The following PPARGC1A variants were observed in gnomAD, a reference collection of about 807,000 sequenced individuals.
PPARGC1A encodes PPARG coactivator 1 alpha.
Under a neutral mutation model 88.7 loss-of-function variants are expected in PPARGC1A, and 25 were observed. The observed-to-expected ratio is 0.28, with a 90% confidence interval of 0.21 to 0.39. The LOEUF is 0.39. Among genes scored for constraint, PPARGC1A ranks in the 10% least tolerant of loss-of-function variants. The pLI is 1.00. For missense variants in PPARGC1A, 880 were observed against 968.7 expected (o/e 0.91, Z 1.22); for synonymous variants, 363 against 355.6 (o/e 1.02, Z -0.24).
the PPARGC1A span, among the ~76,000 whole-genome samples, chr4:24,465,506 T>C: frequency 6.6e-6 from 1 of 152,228 alleles, no homozygotes; most frequent in Admixed American, 6.5e-5. Flanking sequence ...CAAAGTGTGA[T>C]CATTGATTTC....
chr4:24,292,591 C>G, the PPARGC1A span, among the ~76,000 whole-genome samples: 1 of 103,452 alleles, frequency 9.7e-6, no homozygotes, highest in Non-Finnish European at 2.0e-5. Context: ...TTCCTGTGCT[C>G]ATCCCTACCC....
chr4:24,354,249 C>T, the PPARGC1A span, among the ~76,000 whole-genome samples: 2 of 152,184 alleles, frequency 1.3e-5, no homozygotes, highest in East Asian at 1.9e-4. Context: ...TTGGGCCCAC[C>T]GGGATAATCC....
At chr4:24,245,075 A>T in the PPARGC1A span, among the ~76,000 whole-genome samples, 4 of 152,216 alleles carry the variant, frequency 2.6e-5, no homozygotes, top group Non-Finnish European at 4.4e-5. Flanking sequence ...GAAACTGACA[A>T]TCTGCAGTGT....
the PPARGC1A span, among the ~76,000 whole-genome samples, chr4:24,441,279 ACTT>A: frequency 8.6e-5 from 13 of 152,014 alleles, no homozygotes; most frequent in Admixed American, 2.0e-4. Flanking sequence ...CTTCCTGACC[ACTT>A]CTTCTTCTAG....
chr4:24,162,284 G>C, the PPARGC1A span, among the ~76,000 whole-genome samples: 1 of 151,812 alleles, frequency 6.6e-6, no homozygotes, highest in Non-Finnish European at 1.5e-5. Context: ...TCAGCTGATG[G>C]GTGCACAAAA....
the PPARGC1A span, among the ~76,000 whole-genome samples, chr4:24,382,988 T>A: frequency 2.0e-5 from 3 of 152,114 alleles, no homozygotes; most frequent in Non-Finnish European, 2.9e-5. Context: ...ACAGGAGAGC[T>A]CCAGCTGGCT....
At chr4:23,908,584 G>A (rs1317069947), upstream of PPARGC1A, among the ~76,000 whole-genome samples, 1 of 151,760 alleles carries the variant, frequency 6.6e-6, no homozygotes, top group African/African-American at 2.4e-5. Flanking sequence ...CATGTGTACA[G>A]TAGTTATTTA....
At chr4:23,868,137 G>A (rs966356626) in intron 2 of PPARGC1A, among the ~76,000 whole-genome samples, 13 of 152,100 alleles carry the variant, frequency 8.5e-5, no homozygotes, top group South Asian at 4.2e-4. Context: ...TCCTCTTCTC[G>A]GGGAGAGAAG....
chr4:23,933,525 A>T, the PPARGC1A span, among the ~76,000 whole-genome samples: 1 of 152,204 alleles, frequency 6.6e-6, no homozygotes, highest in Non-Finnish European at 1.5e-5. Context: ...CTCATGTGGA[A>T]ATGGGTGACA....
the PPARGC1A span, among the ~76,000 whole-genome samples, chr4:24,116,604 G>A: frequency 1.3e-5 from 2 of 152,192 alleles, no homozygotes; most frequent in Admixed American, 6.5e-5. Flanking sequence ...AGCACAATGA[G>A]AGACAACCAC....
At chr4:24,119,574 C>T in the PPARGC1A span, among the ~76,000 whole-genome samples, 31,835 of 151,996 alleles carry the variant, frequency 0.21, 3,658 homozygotes, top group Non-Finnish European at 0.24. Flanking sequence ...AAGCTGAAGG[C>T]CTGCCCAGTG....
the PPARGC1A span, among the ~76,000 whole-genome samples, chr4:23,917,350 T>A: frequency 1.3e-5 from 2 of 151,118 alleles, no homozygotes; most frequent in Non-Finnish European, 2.9e-5. Context: ...AACCACATCA[T>A]ACTCTTTTCT....
At chr4:24,090,865 A>G in the PPARGC1A span, among the ~76,000 whole-genome samples, 3 of 152,254 alleles carry the variant, frequency 2.0e-5, no homozygotes, top group Non-Finnish European at 4.4e-5. Context: ...CTAATTTGAA[A>G]TAGGTATTGT....
intron 2 of PPARGC1A, among the ~76,000 whole-genome samples, chr4:23,864,786 C>T (rs969583064): frequency 1.3e-5 from 2 of 152,172 alleles, no homozygotes; most frequent in African/African-American, 2.4e-5. Context: ...ATTAACAGCC[C>T]GTCTTAAAGG....
chr4:23,969,786 G>GT, the PPARGC1A span, among the ~76,000 whole-genome samples: 2 of 152,152 alleles, frequency 1.3e-5, no homozygotes, highest in African/African-American at 4.8e-5. Context: ...CACGTTGGGA[G>GT]TTCCAGACAT....
intron 2 of PPARGC1A, among the ~76,000 whole-genome samples, chr4:23,863,527 G>A (rs555379178): frequency 1.3e-5 from 2 of 152,130 alleles, no homozygotes; most frequent in African/African-American, 4.8e-5. Flanking sequence ...TATTAGATGA[G>A]TCCCCAGTCA....
chr4:24,136,017 C>A, the PPARGC1A span, among the ~76,000 whole-genome samples: 2 of 152,172 alleles, frequency 1.3e-5, no homozygotes, highest in Non-Finnish European at 2.9e-5. Context: ...CTCCCTGACG[C>A]TATTTCTGCT....
the PPARGC1A span, among the ~76,000 whole-genome samples, chr4:24,468,451 TATG>T: frequency 2.0e-5 from 3 of 152,208 alleles, no homozygotes; most frequent in Non-Finnish European, 2.9e-5. Flanking sequence ...ACACACTTGC[TATG>T]ATATGTTTTG....
At chr4:24,170,569 AC>A in the PPARGC1A span, among the ~76,000 whole-genome samples, 1 of 152,202 alleles carries the variant, frequency 6.6e-6, no homozygotes, top group Admixed American at 6.5e-5. Context: ...AGCCCTGCTC[AC>A]TTCCCATCAC....
Sources: allele counts gnomAD v4.1 joint callset (sites outside exome capture counted in the v4.1 genomes callset), GRCh38; gene constraint gnomAD v4.1.1; transcripts MANE v1.5; gene names NCBI Gene and HGNC (gene_info 2026-07-23, HGNC 2026-07-21).